CADM2: variants seen among roughly 807,000 people sequenced by gnomAD.
The protein encoded by CADM2 is cell adhesion molecule 2.
Under a neutral mutation model 49.8 loss-of-function variants are expected in CADM2, and 12 were observed. That is an observed-to-expected ratio of 0.24 (90% CI 0.15 to 0.39). The LOEUF is 0.39. Among genes scored for constraint, CADM2 ranks in the 10% least tolerant of loss-of-function variants. The probability of loss-of-function intolerance (pLI) is 1.00; values close to 1 mark genes in which losing one functional copy is unlikely to be tolerated. For missense variants in CADM2, 378 were observed against 492.3 expected, an observed-to-expected ratio of 0.77 and a Z score of 2.20; for synonymous variants, 214 against 175.4, an observed-to-expected ratio of 1.22 and a Z score of -1.74.
intron 1 of CADM2, among the ~76,000 whole-genome samples, chr3:85,532,054 G>C (rs563560712): frequency 6.6e-6 from 1 of 152,310 alleles, no homozygotes; most frequent in South Asian, 2.1e-4. Flanking sequence ...GCGGGAGCCT[G>C]TAGTCCCAGC....
intron 1 of CADM2, among the ~76,000 whole-genome samples, chr3:85,234,108 A>G (rs1413590766): frequency 1.3e-5 from 2 of 152,062 alleles, no homozygotes; most frequent in African/African-American, 4.8e-5. Flanking sequence ...TTATACAGAA[A>G]TTAGTAAATT....
chr3:85,489,980 T>G (rs2039603969), intron 1 of CADM2, among the ~76,000 whole-genome samples: 1 of 152,142 alleles, frequency 6.6e-6, no homozygotes, highest in Admixed American at 6.6e-5. Context: ...TTTTTGATAT[T>G]CATTACTGAA....
rs569982194 is a variant in CADM2, at chr3:85,699,197, C to T, written c.62-27325C>T. On this transcript the variant is annotated intron_variant, in intron 1 of 9. Transcript: ENST00000383699. ...GCTCCCAAAGCCTTGGACAGCTCTG[C>T]CCCTGTGACTTTGCAGGGTTTGGCC... Among the ~76,000 whole-genome samples, 6 of 152,302 alleles carry T rather than the reference C, an allele frequency of 3.9e-5. No homozygotes were observed. In the South Asian group the frequency reaches 1.2e-3, roughly 32 times the overall value.
chr3:85,798,705 T>C (rs902458428), intron 2 of CADM2, among the ~76,000 whole-genome samples: 7 of 152,238 alleles, frequency 4.6e-5, no homozygotes, highest in African/African-American at 1.7e-4. Context: ...GTTAGTGTGA[T>C]GCCTCCAGCT....
chr3:85,604,884 T>C (rs755065981), intron 1 of CADM2, among the ~76,000 whole-genome samples: 2 of 151,952 alleles, frequency 1.3e-5, no homozygotes, highest in Non-Finnish European at 2.9e-5. Context: ...TATATCATCA[T>C]ATAATAGATG....
At chr3:85,076,689 C>T (rs564316209) in intron 1 of CADM2, among the ~76,000 whole-genome samples, 31 of 151,672 alleles carry the variant, frequency 2.0e-4, no homozygotes, top group Non-Finnish European at 3.8e-4. Flanking sequence ...AGATAATTTT[C>T]GGCTGGGCAT....
intron 1 of CADM2, among the ~76,000 whole-genome samples, chr3:85,658,576 G>GTACATATATATATATATATATA (rs1553656705): frequency 1.5e-5 from 1 of 68,754 alleles, no homozygotes; most frequent in African/African-American, 5.6e-5. Context: ...GGATATATGT[G>GTACATATATATATATATATATA]TATATATATA....
intron 1 of CADM2, among the ~76,000 whole-genome samples, chr3:85,205,526 T>C (rs1482213994): frequency 6.6e-6 from 1 of 152,072 alleles, no homozygotes; most frequent in Non-Finnish European, 1.5e-5. Context: ...GATACAGAAG[T>C]ATTAAATTAT....
At chr3:85,714,431 T>C (rs189224256) in intron 1 of CADM2, among the ~76,000 whole-genome samples, 19 of 152,174 alleles carry the variant, frequency 1.2e-4, no homozygotes, top group Non-Finnish European at 2.4e-4. Flanking sequence ...TTTTTGTTTG[T>C]TTGTTTGTTT....
chr3:85,013,768 G>GTATA (rs377163369), intron 1 of CADM2, among the ~76,000 whole-genome samples: 1 of 146,834 alleles, frequency 6.8e-6, no homozygotes. Flanking sequence ...CCAAAAATAA[G>GTATA]TATATATATA....
chr3:85,791,544 A>AAGAGAGAGAGAGAGAGAGAGAGAGAAAG (rs2071331781), intron 2 of CADM2, among the ~76,000 whole-genome samples: 1 of 99,944 alleles, frequency 1.0e-5, no homozygotes, highest in Non-Finnish European at 2.2e-5. Context: ...GAGAGAGAGA[A>AAGAGAGAGAGAGAGAGAGAGAGAGAAAG]AGAGAGAGAG....
At position 85,665,886 on chromosome 3, in the gene CADM2, C is replaced by CT. The variant is rs201493811; in HGVS notation, c.62-60627dup. 4.5e-3 allele frequency among the ~76,000 whole-genome samples: 686 copies of CT among 150,864 alleles called. 3 individuals are homozygous for CT. The highest frequency in any genetic ancestry group is 0.017 in the Middle Eastern group (5 of 290). On this transcript the variant is annotated intron_variant, in intron 1 of 9. Coordinates refer to ENST00000383699, the MANE Select transcript of CADM2 (RefSeq NM_001167675.2). Reference sequence around the variant, plus strand: ...GAGCAATAAGTAATAATGAGAAAGGCTTTTTTTTTCTTGATCTCTTTGAGA... The same window carrying CT: ...GAGCAATAAGTAATAATGAGAAAGGCTTTTTTTTTTCTTGATCTCTTTGAGA...
intron 1 of CADM2, among the ~76,000 whole-genome samples, chr3:85,063,827 A>G (rs902966632): frequency 3.3e-5 from 5 of 152,090 alleles, no homozygotes; most frequent in African/African-American, 1.2e-4. Flanking sequence ...ATTAAAACTC[A>G]TTAGAAAATG....
At chr3:85,005,268 C>A (rs1245891748) in intron 1 of CADM2, among the ~76,000 whole-genome samples, 3 of 152,044 alleles carry the variant, frequency 2.0e-5, no homozygotes, top group Non-Finnish European at 4.4e-5. Context: ...GGAAAACAGC[C>A]ACAAATAATG....
intron 1 of CADM2, among the ~76,000 whole-genome samples, chr3:85,194,238 A>G (rs1355076620): frequency 6.6e-6 from 1 of 152,078 alleles, no homozygotes; most frequent in Non-Finnish European, 1.5e-5. Context: ...TCTGGACCAG[A>G]GAGAGTGTGG....
rs962429769 is a variant in CADM2 at position 85,886,049 on chromosome 3, T to G, written c.392-141T>G. The stretch of plus-strand genomic sequence containing the variant: ...TATAACACACACATATGAAGCAGTT[T>G]ATTACATAGTAGTTTGTTCATCTTG... On this transcript the variant is annotated intron_variant, in intron 4 of 9. Coordinates refer to ENST00000383699, the MANE Select transcript of CADM2 (RefSeq NM_001167675.2). 7 of 1,256,282 alleles carry G rather than the reference T, an allele frequency of 5.6e-6. No individual in the cohort carries two copies. The African/African-American group carries it at 1.1e-4, about 19-fold the overall frequency. 77.8% of individuals were successfully genotyped at this position (1,256,282 alleles called of 1,614,324 possible). A position where few individuals can be genotyped will look rare whatever the true frequency, so the allele number is the denominator to read the frequency against.
chr3:85,976,078 G>A (rs192221518), intron 8 of CADM2, among the ~76,000 whole-genome samples: 290 of 151,626 alleles, frequency 1.9e-3, no homozygotes, highest in African/African-American at 6.8e-3. Context: ...TGTTGAACCA[G>A]TATTTAACAT....
At chr3:85,047,318 G>A (rs554543056) in intron 1 of CADM2, among the ~76,000 whole-genome samples, 200 of 152,124 alleles carry the variant, frequency 1.3e-3, no homozygotes, top group Admixed American at 1.9e-3. Flanking sequence ...CAGAGAACAC[G>A]GTATAGTGCA....
chr3:85,090,752 T>G (rs142587888), intron 1 of CADM2, among the ~76,000 whole-genome samples: 147 of 152,244 alleles, frequency 9.7e-4, no homozygotes, highest in African/African-American at 3.3e-3. Flanking sequence ...CGGCATTAGA[T>G]TCTCATAGAA....
Sources: gnomAD v4.1 joint callset for allele counts (sites outside exome capture counted in the v4.1 genomes callset) on GRCh38, gnomAD v4.1.1 for gene constraint, MANE v1.5 for transcripts, NCBI Gene and HGNC (gene_info 2026-07-23, HGNC 2026-07-21) for gene names.